Variants in CYREN observed in about 807,000 individuals in gnomAD.
CYREN encodes the protein cell cycle regulator of non-homologous end joining.
Under a neutral mutation model 9.7 loss-of-function variants are expected in CYREN, and 7 were observed. The ratio of observed to expected loss-of-function variants is 0.72; its 90% CI spans 0.41 to 1.36. The LOEUF (loss-of-function observed/expected upper bound fraction) is 1.36. Ranked by LOEUF, CYREN falls within the 40% of genes most tolerant of loss-of-function variation. The probability of loss-of-function intolerance (pLI) is 0.01; values close to 1 mark genes in which losing one functional copy is unlikely to be tolerated. For synonymous variants in CYREN, 76 were observed against 77.9 expected, an observed-to-expected ratio of 0.98 and a Z score of 0.13; for missense variants, 215 against 198.1, an observed-to-expected ratio of 1.09 and a Z score of -0.51.
chr7:135,164,969 G>C (rs1830055310), downstream of CYREN: 3 of 1,604,196 alleles, frequency 1.9e-6, no homozygotes, highest in Non-Finnish European at 2.6e-6. Context: ...TGAGGGCTGA[G>C]AGGGCTGAGA....
chr7:135,104,986 G>A (rs1824439127), intron 2 of CYREN, among the ~76,000 whole-genome samples: 1 of 151,140 alleles, frequency 6.6e-6, no homozygotes, highest in South Asian at 2.1e-4. Flanking sequence ...TCCTTGTCAT[G>A]AAATTTTTGC....
rs373389056 is a variant in CYREN at position 135,132,803 on chromosome 7, T to C, written n.356+35946A>G. On this transcript the variant is annotated intron_variant and non_coding_transcript_variant, in intron 2 of 2. Transcript: ENST00000459937. The stretch of plus-strand genomic sequence containing the variant: ...CAAGATTGCGAGGCCTCCCCAGCCA[T>C]GTGGAACTGTGAGTCAATTAAACCT... Among the ~76,000 whole-genome samples the C allele has an allele frequency of 5.3e-5, 8 of 152,312 alleles. No individual in the cohort carries two copies. The East Asian group carries it at 1.4e-3, about 26-fold the overall frequency.
intron 2 of CYREN, among the ~76,000 whole-genome samples, chr7:135,144,453 C>A (rs974288945): frequency 6.6e-6 from 1 of 151,818 alleles, no homozygotes; most frequent in East Asian, 1.9e-4. Context: ...AAGAGTACTG[C>A]CAAAAACAAT....
downstream of CYREN, among the ~76,000 whole-genome samples, chr7:135,163,558 T>C (rs1259103145): frequency 6.6e-6 from 1 of 152,144 alleles, no homozygotes; most frequent in Non-Finnish European, 1.5e-5. Context: ...GGCAGGAGAC[T>C]TGCTTGACCC....
At chr7:135,139,208 C>T (rs1829408671) in intron 2 of CYREN, among the ~76,000 whole-genome samples, 1 of 152,044 alleles carries the variant, frequency 6.6e-6, no homozygotes, top group South Asian at 2.1e-4. Context: ...TACATTCCTG[C>T]CAACAGTGTG....
At chr7:135,137,409 AAAAGG>A (rs1438369971) in intron 2 of CYREN, among the ~76,000 whole-genome samples, 3 of 152,124 alleles carry the variant, frequency 2.0e-5, no homozygotes, top group Admixed American at 1.3e-4. Flanking sequence ...GGACAATTTT[AAAAGG>A]TATGTAACGT....
chr7:135,139,393 A>C (rs1386468120), intron 2 of CYREN, among the ~76,000 whole-genome samples: 1 of 151,350 alleles, frequency 6.6e-6, no homozygotes, highest in Non-Finnish European at 1.5e-5. Context: ...TCTCTTGAGA[A>C]GTGTCTATTC....
intron 2 of CYREN, among the ~76,000 whole-genome samples, chr7:135,105,175 T>C (rs1440526892): frequency 1.3e-5 from 2 of 150,118 alleles, no homozygotes; most frequent in African/African-American, 4.9e-5. Flanking sequence ...ATTCAAGAGA[T>C]TCTCTTGCCT....
At chr7:135,106,132 T>A (rs1824678478) in intron 2 of CYREN, among the ~76,000 whole-genome samples, 1 of 152,208 alleles carries the variant, frequency 6.6e-6, no homozygotes, top group African/African-American at 2.4e-5. Flanking sequence ...AAGGAGCTTT[T>A]GGGCCAAGAC....
At chr7:135,165,194 G>GA, downstream of CYREN, 2 of 578,730 alleles carry the variant, frequency 3.5e-6, no homozygotes, top group South Asian at 5.5e-5. Context: ...CTTAGTACAA[G>GA]ATTGTCTGTC....
intron 2 of CYREN, among the ~76,000 whole-genome samples, chr7:135,107,715 T>C (rs919868692): frequency 6.6e-6 from 1 of 152,216 alleles, no homozygotes; most frequent in Non-Finnish European, 1.5e-5. Context: ...GAGAGTTCTG[T>C]AGATGTCTAT....
intron 2 of CYREN, among the ~76,000 whole-genome samples, chr7:135,127,053 A>G (rs1259931395): frequency 6.6e-6 from 1 of 152,230 alleles, no homozygotes; most frequent in Admixed American, 6.5e-5. Context: ...CTGCATAGCA[A>G]AAGAAACCAG....
At chr7:135,159,802 AT>A (rs2117455548) in intron 2 of CYREN, among the ~76,000 whole-genome samples, 1 of 152,374 alleles carries the variant, frequency 6.6e-6, no homozygotes, top group East Asian at 1.9e-4. Flanking sequence ...ACACTTGAAA[AT>A]GTTAAACTTT....
chr7:135,164,951 G>A, downstream of CYREN: 1 of 1,611,364 alleles, frequency 6.2e-7, no homozygotes, highest in South Asian at 1.1e-5. Flanking sequence ...CCATGGCTGT[G>A]TTCCCTCTGA....
At chr7:135,127,240 C>T (rs1828006156) in intron 2 of CYREN, among the ~76,000 whole-genome samples, 1 of 152,178 alleles carries the variant, frequency 6.6e-6, no homozygotes, top group African/African-American at 2.4e-5. Context: ...AGAAGACATT[C>T]ATGCAGCCAA....
At chr7:135,167,460 C>A in intron 3 of CYREN, 1 of 1,328,436 alleles carries the variant, frequency 7.5e-7, no homozygotes, top group Non-Finnish European at 9.6e-7. Flanking sequence ...CACATACACA[C>A]CAGTGCACAG....
At chr7:135,100,057 T>C (rs906676264) in intron 2 of CYREN, 1 of 151,974 alleles carries the variant, frequency 6.6e-6, no homozygotes, top group Non-Finnish European at 1.5e-5. Flanking sequence ...CTGGCTAATT[T>C]TTGTATTTTT....
At chr7:135,170,719 TC>T (rs1562934878), upstream of CYREN, 5 of 152,430 alleles carry the variant, frequency 3.3e-5, no homozygotes, top group South Asian at 1.0e-3. Flanking sequence ...GCCGCCCGCC[TC>T]TTCCGGCCCC....
rs1826632148 is a variant in CYREN, at chr7:135,118,448, G to C, written n.357-23866C>G. 2.0e-5 allele frequency among the ~76,000 whole-genome samples: 3 copies of C among 152,212 alleles called. No individual in the cohort carries two copies. The South Asian group carries it at 6.2e-4, about 32-fold the overall frequency. On this transcript the variant is annotated intron_variant and non_coding_transcript_variant, in intron 2 of 2. Transcript: ENST00000459937. ...AATAATTAGAAGCCTCCTATCTCTG[G>C]TGTCAATGGGGTCCAGATGGGGAAC...
Sources: allele counts gnomAD v4.1 joint callset (sites outside exome capture counted in the v4.1 genomes callset), GRCh38; gene constraint gnomAD v4.1.1; transcripts MANE v1.5; gene names NCBI Gene and HGNC (gene_info 2026-07-23, HGNC 2026-07-21).